GRXCR1: variants seen among roughly 807,000 people sequenced by gnomAD.
GRXCR1 encodes the protein glutaredoxin domain-containing cysteine-rich protein 1.
In GRXCR1, 27 loss-of-function variants were observed where a neutral mutation model predicts 27.3. The observed-to-expected ratio is 0.99, with a 90% CI of 0.73 to 1.37. GRXCR1 has a LOEUF of 1.37. Among genes scored for constraint, GRXCR1 ranks in the 40% most tolerant of loss-of-function variants. The pLI is 0.00. For missense variants in GRXCR1, 379 were observed against 354.4 expected (o/e 1.07, Z -0.56); for synonymous variants, 122 against 131.1 (o/e 0.93, Z 0.47).
At chr4:42,951,532 G>A (rs541082734) in intron 1 of GRXCR1, among the ~76,000 whole-genome samples, 1 of 152,214 alleles carries the variant, frequency 6.6e-6, no homozygotes, top group South Asian at 2.1e-4. Flanking sequence ...TCTGATATAC[G>A]TTGCTAAAGA....
In GRXCR1 at chr4:43,030,493, G is replaced by A. The variant is rs956862479; in HGVS notation, c.826G>A (p.Ala276Thr). 7.4e-6 allele frequency: 12 copies of A among 1,614,022 alleles called. No homozygotes were observed. Among genetic ancestry groups the A allele is most frequent in the Non-Finnish European group, 5.9e-6 (7 of 1,180,010 alleles). Residue 276 changes from alanine to threonine, a missense_variant, in exon 4 of 4, where the codon GCT becomes ACT. Coordinates refer to ENST00000399770, the MANE Select transcript of GRXCR1 (RefSeq NM_001080476.3). ...CTCTTTCAAAGCCCTGAAGTGTACG[G>A]CTTGCAATGAAAATGGTCTTCAGCG... Reference protein sequence around the residue: ...TDSFKALKCTACNENGLQRCK... With the variant: ...TDSFKALKCTTCNENGLQRCK...
chr4:42,987,229 T>TATATATATTATA (rs1362997341), intron 2 of GRXCR1, among the ~76,000 whole-genome samples: 1 of 92,236 alleles, frequency 1.1e-5, no homozygotes, highest in African/African-American at 4.2e-5. Context: ...ATATTATATA[T>TATATATATTATA]TATATATATA....
intron 2 of GRXCR1, among the ~76,000 whole-genome samples, chr4:43,012,748 T>A (rs1330321251): frequency 6.6e-6 from 1 of 152,224 alleles, no homozygotes. Flanking sequence ...TGTAAACTGA[T>A]GAGCTAAGAT....
chr4:42,905,239 G>A (rs969715595), intron 1 of GRXCR1, among the ~76,000 whole-genome samples: 1 of 152,170 alleles, frequency 6.6e-6, no homozygotes, highest in Non-Finnish European at 1.5e-5. Flanking sequence ...GCTGCAGTTG[G>A]CTCTATACCT....
chr4:43,024,174 C>T (rs1225931455), intron 3 of GRXCR1, among the ~76,000 whole-genome samples: 1 of 139,742 alleles, frequency 7.2e-6, no homozygotes, highest in Admixed American at 7.3e-5. Context: ...CTGAGATTGC[C>T]AACATAGTGT....
intron 2 of GRXCR1, among the ~76,000 whole-genome samples, chr4:42,971,534 C>T (rs1440447647): frequency 1.3e-5 from 2 of 151,990 alleles, no homozygotes; most frequent in Non-Finnish European, 2.9e-5. Context: ...GCAAGCATGT[C>T]TTTACCATGG....
intron 2 of GRXCR1, among the ~76,000 whole-genome samples, chr4:43,006,838 C>T (rs1577942264): frequency 6.6e-6 from 1 of 152,088 alleles, no homozygotes; most frequent in African/African-American, 2.4e-5. Context: ...GCTTGTGGGG[C>T]ATCACGGAAC....
chr4:43,010,037 T>G (rs1276508052), intron 2 of GRXCR1, among the ~76,000 whole-genome samples: 1 of 152,112 alleles, frequency 6.6e-6, no homozygotes, highest in Non-Finnish European at 1.5e-5. Flanking sequence ...GTACCTCCCT[T>G]TAGGTTGAAC....
chr4:42,910,495 G>A (rs12640603), intron 1 of GRXCR1, among the ~76,000 whole-genome samples: 29,986 of 152,150 alleles, frequency 0.2, 3,665 homozygotes, highest in Admixed American at 0.29. Context: ...GGCTACATAT[G>A]CTGAGTGGGC....
chr4:42,912,821 C>T (rs1394273086), intron 1 of GRXCR1, among the ~76,000 whole-genome samples: 3 of 152,040 alleles, frequency 2.0e-5, no homozygotes, highest in Non-Finnish European at 2.9e-5. Context: ...AATTGCACCT[C>T]GAATTGTAAT....
At chr4:42,927,684 A>T (rs187504024) in intron 1 of GRXCR1, among the ~76,000 whole-genome samples, 3 of 152,142 alleles carry the variant, frequency 2.0e-5, no homozygotes, top group Admixed American at 2.0e-4. Flanking sequence ...CAGAAAAAAA[A>T]AATAATTCTG....
intron 1 of GRXCR1, among the ~76,000 whole-genome samples, chr4:42,953,421 T>TTCC (rs1415695908): frequency 1.3e-5 from 2 of 152,122 alleles, no homozygotes; most frequent in African/African-American, 4.8e-5. Flanking sequence ...AGGACAAGGC[T>TTCC]ATGAGTAGGT....
chr4:42,979,823 CT>C (rs1219638335), intron 2 of GRXCR1, among the ~76,000 whole-genome samples: 2 of 151,812 alleles, frequency 1.3e-5, no homozygotes, highest in African/African-American at 2.4e-5. Flanking sequence ...GAAATACTTT[CT>C]ATTACTTATT....
chr4:42,982,892 T>G (rs1211979946), intron 2 of GRXCR1, among the ~76,000 whole-genome samples: 3 of 152,124 alleles, frequency 2.0e-5, no homozygotes, highest in Admixed American at 2.0e-4. Context: ...CGCCCACTTT[T>G]TGATGGGGTT....
chr4:42,989,914 T>A (rs576382367), intron 2 of GRXCR1, among the ~76,000 whole-genome samples: 1 of 152,142 alleles, frequency 6.6e-6, no homozygotes, highest in Non-Finnish European at 1.5e-5. Context: ...GGTATTAATA[T>A]ATTATCATTT....
intron 1 of GRXCR1, among the ~76,000 whole-genome samples, chr4:42,898,698 T>C (rs28616114): frequency 9.9e-5 from 15 of 152,182 alleles, no homozygotes; most frequent in African/African-American, 3.6e-4. Context: ...GTGAGGTATA[T>C]TACTATTAAT....
intron 1 of GRXCR1, among the ~76,000 whole-genome samples, chr4:42,952,222 A>T (rs11726697): frequency 6.6e-6 from 1 of 152,108 alleles, no homozygotes; most frequent in East Asian, 1.9e-4. Flanking sequence ...TTGAGAAAAG[A>T]GAGCAGGGCT....
intron 2 of GRXCR1, among the ~76,000 whole-genome samples, chr4:42,987,241 A>AAT (rs1711785571): frequency 3.5e-4 from 23 of 66,458 alleles, no homozygotes; most frequent in African/African-American, 1.2e-3. Context: ...ATATATATAT[A>AAT]ATATATAATA....
intron 2 of GRXCR1, among the ~76,000 whole-genome samples, chr4:43,013,484 T>C (rs889842833): frequency 1.3e-5 from 2 of 151,686 alleles, no homozygotes; most frequent in African/African-American, 4.8e-5. Context: ...CCTATTAGAG[T>C]GGGGAGGGAT....
Sources: allele counts gnomAD v4.1 joint callset (sites outside exome capture counted in the v4.1 genomes callset), GRCh38; gene constraint gnomAD v4.1.1; transcripts MANE v1.5; gene names NCBI Gene and HGNC (gene_info 2026-07-23, HGNC 2026-07-21).